LRBA: variants seen among roughly 807,000 people sequenced by gnomAD.
The protein encoded by LRBA is lipopolysaccharide-responsive and beige-like anchor protein.
Under a neutral mutation model 330.0 loss-of-function variants are expected in LRBA, and 176 were observed. The ratio of observed to expected loss-of-function variants is 0.53; its 90% CI spans 0.47 to 0.60. The LOEUF is 0.60. Ranked by LOEUF, LRBA falls within the 20% of genes least tolerant of loss-of-function variation. The pLI is 0.00. For missense variants in LRBA, 3,259 were observed against 3,444.8 expected (o/e 0.95, Z 1.35); for synonymous variants, 1,230 against 1,193.0 (o/e 1.03, Z -0.64).
chr4:150,326,615 A>T (rs1733302736), intron 48 of LRBA, among the ~76,000 whole-genome samples: 2 of 152,328 alleles, frequency 1.3e-5, no homozygotes, highest in South Asian at 4.1e-4. Context: ...CCATCATGGG[A>T]AACTGCTAAA....
At chr4:150,576,461 C>G (rs1023447864) in intron 40 of LRBA, among the ~76,000 whole-genome samples, 1 of 151,830 alleles carries the variant, frequency 6.6e-6, no homozygotes, top group African/African-American at 2.4e-5. Flanking sequence ...CACATTCTAG[C>G]GCAATAATAT....
chr4:150,294,100 G>A (rs952689975), intron 53 of LRBA, among the ~76,000 whole-genome samples: 2 of 152,160 alleles, frequency 1.3e-5, no homozygotes, highest in East Asian at 3.9e-4. Flanking sequence ...GGTGTGGGGG[G>A]TTGGCACCCC....
intron 34 of LRBA, among the ~76,000 whole-genome samples, chr4:150,794,691 A>T (rs1372155107): frequency 6.6e-6 from 1 of 152,084 alleles, no homozygotes; most frequent in African/African-American, 2.4e-5. Context: ...TTGTTGAAAA[A>T]TTTTTTAAAG....
At chr4:150,287,990 A>C (rs1560966520) in intron 53 of LRBA, among the ~76,000 whole-genome samples, 1 of 146,148 alleles carries the variant, frequency 6.8e-6, no homozygotes. Context: ...AGGATCCACA[A>C]ATTTTTTTTT....
In LRBA at chr4:150,363,293, T is replaced by C. The variant is rs868773603; in HGVS notation, c.7195-13134A>G. 9.8e-5 allele frequency among the ~76,000 whole-genome samples: 15 copies of C among 152,286 alleles called. No individual in the cohort carries two copies. In the South Asian group the frequency reaches 3.1e-3, roughly 32 times the overall value. Reference sequence around the variant, plus strand: ...CATTCTCAAAGACTAAGGTTACATATGGGTTCCTTGGCTAAGCCTTCCTCA... The same window carrying C: ...CATTCTCAAAGACTAAGGTTACATACGGGTTCCTTGGCTAAGCCTTCCTCA... On this transcript the variant is annotated intron_variant, in intron 47 of 56. Coordinates refer to ENST00000651943, the MANE Select transcript of LRBA (RefSeq NM_001364905.1).
chr4:150,302,885 C>CA, intron 52 of LRBA, 93 bp from the exon 53 acceptor site: 4 of 808,784 alleles, frequency 4.9e-6, no homozygotes, highest in Non-Finnish European at 7.4e-6. Flanking sequence ...GCTATATGAA[C>CA]TCTGATGGTC....
At chr4:150,573,090 AC>A (rs1770068299) in intron 40 of LRBA, among the ~76,000 whole-genome samples, 1 of 152,112 alleles carries the variant, frequency 6.6e-6, no homozygotes, top group African/African-American at 2.4e-5. Context: ...GCCTGTAGAA[AC>A]CTGACCTTTT....
At chr4:150,821,979 C>T (rs1306881196) in intron 30 of LRBA, among the ~76,000 whole-genome samples, 1 of 152,092 alleles carries the variant, frequency 6.6e-6, no homozygotes, top group East Asian at 1.9e-4. Context: ...TGATTTCTGA[C>T]ATAGCATTCC....
Position 150,314,306 on chromosome 4 carries a change from A to G in LRBA, c.7693+1255T>C, listed in dbSNP as rs548650525. 2.2e-4 allele frequency among the ~76,000 whole-genome samples: 33 copies of G among 152,276 alleles called. 2 individuals are homozygous for G. In the South Asian group the frequency reaches 6.8e-3, roughly 32 times the overall value. On this transcript the variant is annotated intron_variant, in intron 51 of 56. Transcript: ENST00000651943. ...GTTTTTTTAATATATGGCAAATCAT[A>G]TCTACTCAAAACAAAACAAGATTTA...
intron 53 of LRBA, among the ~76,000 whole-genome samples, chr4:150,299,835 G>C (rs1401294146): frequency 6.6e-6 from 1 of 151,870 alleles, no homozygotes; most frequent in East Asian, 1.9e-4. Context: ...TAAAGTTGAG[G>C]TATTAATGTG....
At chr4:150,619,059 C>T (rs1003361272) in intron 37 of LRBA, among the ~76,000 whole-genome samples, 1 of 151,714 alleles carries the variant, frequency 6.6e-6, no homozygotes, top group Non-Finnish European at 1.5e-5. Context: ...ATTTTAAAAG[C>T]AAAGTCATTA....
chr4:150,780,016 C>T (rs1737945183), intron 34 of LRBA, among the ~76,000 whole-genome samples: 1 of 152,130 alleles, frequency 6.6e-6, no homozygotes, highest in South Asian at 2.1e-4. Flanking sequence ...CTTCTGCATG[C>T]TCAATCCCAC....
At chr4:150,655,106 G>A (rs919100938) in intron 37 of LRBA, among the ~76,000 whole-genome samples, 1 of 152,166 alleles carries the variant, frequency 6.6e-6, no homozygotes, top group African/African-American at 2.4e-5. Context: ...CTAGATCCCT[G>A]AGGAATTGCC....
chr4:150,417,516 A>G (rs1747953562), intron 46 of LRBA, among the ~76,000 whole-genome samples: 1 of 152,118 alleles, frequency 6.6e-6, no homozygotes, highest in Admixed American at 6.6e-5. Context: ...ATTAAATACT[A>G]ATTATTCTCA....
intron 22 of LRBA, among the ~76,000 whole-genome samples, chr4:150,854,296 A>C (rs1450957896): frequency 6.6e-6 from 1 of 152,234 alleles, no homozygotes; most frequent in African/African-American, 2.4e-5. Context: ...TATTTCAACA[A>C]TAAATGCATG....
chr4:150,513,681 T>C (rs1028436237), intron 40 of LRBA, among the ~76,000 whole-genome samples: 1 of 152,220 alleles, frequency 6.6e-6, no homozygotes, highest in African/African-American at 2.4e-5. Context: ...TCCTGCTCCC[T>C]GTCCCCTCAC....
intron 40 of LRBA, among the ~76,000 whole-genome samples, chr4:150,556,198 A>G (rs1020988816): frequency 6.6e-6 from 1 of 152,168 alleles, no homozygotes; most frequent in Non-Finnish European, 1.5e-5. Flanking sequence ...CCAAATAAAC[A>G]TGCTCTCCAA....
At chr4:150,628,347 T>C (rs1258559175) in intron 37 of LRBA, among the ~76,000 whole-genome samples, 2 of 152,208 alleles carry the variant, frequency 1.3e-5, no homozygotes, top group Non-Finnish European at 2.9e-5. Context: ...CATCACTCTT[T>C]ACTGGTTTTC....
At chr4:150,708,044 C>T (rs1785806211) in intron 36 of LRBA, among the ~76,000 whole-genome samples, 1 of 151,774 alleles carries the variant, frequency 6.6e-6, no homozygotes, top group East Asian at 1.9e-4. Flanking sequence ...CTATTTCATA[C>T]TTAATGAGGG....
Sources: gnomAD v4.1 joint callset for allele counts (sites outside exome capture counted in the v4.1 genomes callset) on GRCh38, gnomAD v4.1.1 for gene constraint, MANE v1.5 for transcripts, NCBI Gene and HGNC (gene_info 2026-07-23, HGNC 2026-07-21) for gene names.